Variants in MSRA observed in about 807,000 individuals in gnomAD.
MSRA encodes the protein mitochondrial peptide methionine sulfoxide reductase.
MSRA carries 54 observed loss-of-function variants against 31.3 expected under a neutral mutation model. That is an observed-to-expected ratio of 1.73 (90% CI 1.39 to 2.17). The LOEUF is 2.17. Among genes scored for constraint, MSRA ranks in the 30% most tolerant of loss-of-function variants. The pLI is 0.00. For synonymous variants in MSRA, 169 were observed against 116.5 expected, an observed-to-expected ratio of 1.45 and a Z score of -2.90; for missense variants, 507 against 300.9, an observed-to-expected ratio of 1.69 and a Z score of -5.07.
intron 1 of MSRA, among the ~76,000 whole-genome samples, chr8:10,085,996 GTA>G (rs1355629416): frequency 6.6e-6 from 1 of 152,104 alleles, no homozygotes; most frequent in African/African-American, 2.4e-5. Context: ...CAGTTTTGAG[GTA>G]TTATGAATAA....
intron 5 of MSRA, among the ~76,000 whole-genome samples, chr8:10,410,513 A>G (rs948534765): frequency 1.3e-5 from 2 of 152,256 alleles, no homozygotes; most frequent in Non-Finnish European, 2.9e-5. Context: ...GTGATGTATT[A>G]TCTCAAATAC....
intron 3 of MSRA, among the ~76,000 whole-genome samples, chr8:10,290,762 G>A (rs1333685728): frequency 6.6e-6 from 1 of 152,170 alleles, no homozygotes; most frequent in Non-Finnish European, 1.5e-5. Flanking sequence ...GTAGCATCAA[G>A]GAATCATAGT....
chr8:10,180,934 C>T (rs1394232311), intron 1 of MSRA, among the ~76,000 whole-genome samples: 2 of 152,186 alleles, frequency 1.3e-5, no homozygotes, highest in Non-Finnish European at 2.9e-5. Flanking sequence ...TAGTTGACTT[C>T]CTGGACTTTA....
At chr8:10,197,561 A>C (rs1808101257) in intron 1 of MSRA, among the ~76,000 whole-genome samples, 1 of 152,154 alleles carries the variant, frequency 6.6e-6, no homozygotes, top group African/African-American at 2.4e-5. Flanking sequence ...CACCACCAGT[A>C]AGCACTGTGC....
chr8:10,384,401 A>T (rs1344461608), intron 5 of MSRA, among the ~76,000 whole-genome samples: 6 of 152,234 alleles, frequency 3.9e-5, no homozygotes, highest in Non-Finnish European at 8.8e-5. Context: ...TAAAGCCCTG[A>T]TGGTGGTCTG....
At chr8:10,180,403 C>G (rs1168982503) in intron 1 of MSRA, among the ~76,000 whole-genome samples, 1 of 152,078 alleles carries the variant, frequency 6.6e-6, no homozygotes, top group African/African-American at 2.4e-5. Flanking sequence ...CTCTAGGAAC[C>G]CATTGTTTAG....
At chr8:10,080,892 C>A in intron 1 of MSRA, among the ~76,000 whole-genome samples, 1 of 152,116 alleles carries the variant, frequency 6.6e-6, no homozygotes, top group South Asian at 2.1e-4. Flanking sequence ...TTGCTAAAGA[C>A]TAGTGTTTCT....
At chr8:10,389,790 C>T (rs956175433) in intron 5 of MSRA, among the ~76,000 whole-genome samples, 14 of 123,378 alleles carry the variant, frequency 1.1e-4, no homozygotes, top group African/African-American at 2.5e-4. Flanking sequence ...GAAACTTACT[C>T]TTTTTTTTTT....
intron 1 of MSRA, among the ~76,000 whole-genome samples, chr8:10,144,852 C>G (rs543327574): frequency 1.9e-4 from 29 of 152,230 alleles, no homozygotes; most frequent in African/African-American, 5.3e-4. Context: ...TCTGTTAACT[C>G]TGTGCCTTGA....
chr8:10,118,293 A>G (rs1800830522), intron 1 of MSRA, among the ~76,000 whole-genome samples: 1 of 152,200 alleles, frequency 6.6e-6, no homozygotes, highest in African/African-American at 2.4e-5. Context: ...TATTCCACAA[A>G]CATAGGCTGA....
intron 5 of MSRA, among the ~76,000 whole-genome samples, chr8:10,385,745 C>G (rs1806349142): frequency 6.7e-6 from 1 of 148,498 alleles, no homozygotes; most frequent in Admixed American, 7.1e-5. Flanking sequence ...GGTGTCATAG[C>G]CACATTTACC....
chr8:10,058,927 C>G (rs931184821), intron 1 of MSRA: 3 of 152,116 alleles, frequency 2.0e-5, no homozygotes, highest in Non-Finnish European at 4.4e-5. Flanking sequence ...TTTAATTTCT[C>G]CCAGGCCACC....
chr8:10,165,820 C>A (rs965877611), intron 1 of MSRA, among the ~76,000 whole-genome samples: 3 of 152,154 alleles, frequency 2.0e-5, no homozygotes, highest in Admixed American at 2.0e-4. Context: ...CAAATAAATG[C>A]TTCCTATGTG....
intron 1 of MSRA, among the ~76,000 whole-genome samples, chr8:10,085,751 C>A (rs1471710019): frequency 2.0e-5 from 3 of 152,238 alleles, no homozygotes; most frequent in African/African-American, 7.2e-5. Flanking sequence ...TGCAGTCAGT[C>A]TGCTCACCTG....
intron 5 of MSRA, among the ~76,000 whole-genome samples, chr8:10,415,871 A>G (rs1808427600): frequency 6.6e-6 from 1 of 151,572 alleles, no homozygotes; most frequent in South Asian, 2.1e-4. Flanking sequence ...TCCTCCTGCA[A>G]TTTCCCAGCA....
At chr8:10,182,400 G>A (rs907158743) in intron 1 of MSRA, among the ~76,000 whole-genome samples, 2 of 152,124 alleles carry the variant, frequency 1.3e-5, no homozygotes, top group African/African-American at 4.8e-5. Flanking sequence ...TGTGGGTCAG[G>A]AATCCGGACA....
chr8:10,207,151 A>C (rs1809064664), intron 1 of MSRA, among the ~76,000 whole-genome samples: 1 of 152,212 alleles, frequency 6.6e-6, no homozygotes, highest in South Asian at 2.1e-4. Flanking sequence ...AGATCAAGTT[A>C]ATGCTGGAAA....
intron 5 of MSRA, among the ~76,000 whole-genome samples, chr8:10,371,392 G>T (rs574359895): frequency 2.0e-5 from 3 of 152,078 alleles, no homozygotes; most frequent in Non-Finnish European, 4.4e-5. Flanking sequence ...GCCTCGTTCC[G>T]TAGCTTCCCT....
intron 1 of MSRA, among the ~76,000 whole-genome samples, chr8:10,183,832 G>C (rs1435508485): frequency 8.7e-5 from 13 of 148,696 alleles, no homozygotes; most frequent in Middle Eastern, 3.5e-3. Flanking sequence ...GCTGCTGCTG[G>C]TGGTATTGGT....
Sources: gnomAD v4.1 joint callset for allele counts (sites outside exome capture counted in the v4.1 genomes callset) on GRCh38, gnomAD v4.1.1 for gene constraint, MANE v1.5 for transcripts, NCBI Gene and HGNC (gene_info 2026-07-23, HGNC 2026-07-21) for gene names.